Variants in MBNL1 observed in about 807,000 individuals in gnomAD.
MBNL1 encodes the protein muscleblind-like protein 1.
A neutral mutation model predicts 42.2 loss-of-function variants in MBNL1; 8 were observed. That is an observed-to-expected ratio of 0.19 (90% confidence interval 0.11 to 0.34). MBNL1 has a LOEUF of 0.34. MBNL1 is among the 10% of genes least tolerant of loss of function. MBNL1 has a pLI of 1.00. For synonymous variants in MBNL1, 169 were observed against 173.9 expected, an observed-to-expected ratio of 0.97 and a Z score of 0.22; for missense variants, 309 against 495.3, an observed-to-expected ratio of 0.62 and a Z score of 3.57.
rs141369223 is a variant in MBNL1 at position 152,312,653 on chromosome 3, A to G, written c.174+12286A>G. ...GAATAAAGATTGTTATATAGATTCA[A>G]ACTTGGTATGTAATTCAAACTTATT... On this transcript the variant is annotated intron_variant, in intron 2 of 9. Coordinates refer to ENST00000324210, the MANE Select transcript of MBNL1 (RefSeq NM_021038.5). 5.1e-3 allele frequency among the ~76,000 whole-genome samples: 771 copies of G among 152,306 alleles called. 5 individuals carry two copies. The highest frequency in any genetic ancestry group is 0.018 in the African/African-American group (732 of 41,564).
chr3:152,338,582 C>T (rs1398651294), intron 2 of MBNL1: 2 of 985,178 alleles, frequency 2.0e-6, no homozygotes, highest in African/African-American at 3.5e-5. Flanking sequence ...TTCTCCAAGC[C>T]CCTAAGACTC....
chr3:152,268,714 G>T, upstream of MBNL1: 2 of 454,712 alleles, frequency 4.4e-6, no homozygotes, highest in Non-Finnish European at 8.8e-6. Context: ...CGCTCTTGCG[G>T]GCTCTGTCCG....
intron 2 of MBNL1, chr3:152,335,269 A>T (rs1329607812): frequency 3.1e-6 from 4 of 1,289,580 alleles, no homozygotes; most frequent in Non-Finnish European, 4.0e-6. Context: ...GTTTGCTAAG[A>T]TACCATTTGG....
In MBNL1 at chr3:152,372,312, A is replaced by G. The variant is rs527932371; in HGVS notation, c.175-42629A>G. Among the ~76,000 whole-genome samples, 64 of 152,132 alleles carry G rather than the reference A, an allele frequency of 4.2e-4. 1 individual carries two copies. Among genetic ancestry groups the G allele is most frequent in the African/African-American group, 1.5e-3 (61 of 41,500 alleles). On this transcript the variant is annotated intron_variant, in intron 2 of 9. Transcript: ENST00000324210. ...CTACTTCTGTCAATTCGTCAAACTC[A>G]TTTTCCATCCAGTTTTGTTTCCTTG...
Position 152,460,622 on chromosome 3 carries a change from AC to A in MBNL1, c.*18+1278del, listed in dbSNP as rs757162999. 9.9e-4 allele frequency among the ~76,000 whole-genome samples: 150 copies of A among 151,164 alleles called. 2 individuals carry two copies. Among genetic ancestry groups the A allele is most frequent in the Non-Finnish European group, 9.8e-4 (66 of 67,612 alleles). On this transcript the variant is annotated intron_variant, in intron 9 of 9. Coordinates refer to ENST00000324210, the MANE Select transcript of MBNL1 (RefSeq NM_021038.5). Reference sequence around the variant, plus strand: ...TAAAACTTAAAGTATAAAAAAAAAAACAAAAAAAAAAACCACTGTCTTAAAT... The same window carrying A: ...TAAAACTTAAAGTATAAAAAAAAAAAAAAAAAAAAAACCACTGTCTTAAAT...
chr3:152,379,958 C>T (rs78959658), intron 2 of MBNL1, among the ~76,000 whole-genome samples: 10,829 of 152,090 alleles, frequency 0.071, 506 homozygotes, highest in Middle Eastern at 0.16. Context: ...AAAAGTAAAA[C>T]AGAACCTAGA....
intron 2 of MBNL1, among the ~76,000 whole-genome samples, chr3:152,307,092 C>G (rs1260338764): frequency 6.6e-6 from 1 of 152,102 alleles, no homozygotes; most frequent in African/African-American, 2.4e-5. Context: ...CACGTTCAAG[C>G]AATTCTCCTG....
intron 2 of MBNL1, among the ~76,000 whole-genome samples, chr3:152,258,191 A>T (rs2035716349): frequency 6.6e-6 from 1 of 151,780 alleles, no homozygotes; most frequent in Non-Finnish European, 1.5e-5. Flanking sequence ...CTTATTTTTT[A>T]AAAAACATAT....
intron 2 of MBNL1, chr3:152,335,190 A>G: frequency 7.8e-7 from 1 of 1,289,678 alleles, no homozygotes; most frequent in Non-Finnish European, 1.0e-6. Context: ...GCTGTATCTT[A>G]TCTATGGAAG....
intron 2 of MBNL1, chr3:152,340,815 A>C (rs770880559): frequency 2.5e-6 from 4 of 1,613,902 alleles, no homozygotes; most frequent in Non-Finnish European, 3.4e-6. Flanking sequence ...CTACTTTTGC[A>C]TAACCACTGA....
At chr3:152,267,295 T>A (rs545993267), upstream of MBNL1, 1 of 152,712 alleles carries the variant, frequency 6.5e-6, no homozygotes, top group Non-Finnish European at 1.5e-5. Context: ...AAGGCACCAG[T>A]TAAATGTAAA....
At chr3:152,263,655 G>C (rs942381063), upstream of MBNL1, 3 of 152,138 alleles carry the variant, frequency 2.0e-5, no homozygotes, top group African/African-American at 7.2e-5. Flanking sequence ...TCTCTTCTGA[G>C]ATTAGACTAT....
chr3:152,299,492 G>A lies in MBNL1; in HGVS notation c.-702G>A, dbSNP rs1297422135. On this transcript the variant is annotated 5_prime_UTR_variant, in exon 2 of 10. Transcript: ENST00000324210. ...TCTGCTTTTGCCTTGCTTGCTGCCA[G>A]CTAGACTGTGACGACAGCACATCCA... is the stretch of plus-strand genomic sequence containing the variant. 2.3e-5 allele frequency: 9 copies of A among 387,440 alleles called. No individual in the cohort carries two copies. The highest frequency in any genetic ancestry group is 4.1e-5 in the Non-Finnish European group (9 of 219,512). 24.0% of individuals were successfully genotyped at this position (387,440 alleles called of 1,614,324 possible). A position where few individuals can be genotyped will look rare whatever the true frequency, so the allele number is the denominator to read the frequency against.
chr3:152,309,730 A>G (rs1364019388), intron 2 of MBNL1, among the ~76,000 whole-genome samples: 1 of 152,192 alleles, frequency 6.6e-6, no homozygotes, highest in Non-Finnish European at 1.5e-5. Context: ...CTTCTTTTCC[A>G]TATTACTGCA....
At chr3:152,399,597 C>T (rs898294319) in intron 2 of MBNL1, among the ~76,000 whole-genome samples, 1 of 152,156 alleles carries the variant, frequency 6.6e-6, no homozygotes, top group African/African-American at 2.4e-5. Context: ...ACTGCAGCCT[C>T]AACTTCTTGG....
At chr3:152,253,097 C>A (rs1188640906) in intron 2 of MBNL1, among the ~76,000 whole-genome samples, 2 of 152,084 alleles carry the variant, frequency 1.3e-5, no homozygotes, top group African/African-American at 4.8e-5. Flanking sequence ...AACTTTCTAC[C>A]AATTTCTGGG....
At chr3:152,256,026 T>C (rs550571265) in intron 2 of MBNL1, among the ~76,000 whole-genome samples, 11 of 151,802 alleles carry the variant, frequency 7.2e-5, no homozygotes, top group African/African-American at 2.2e-4. Flanking sequence ...AGGAATGGAG[T>C]TGCACATATG....
intron 4 of MBNL1, among the ~76,000 whole-genome samples, chr3:152,434,351 A>G (rs2099050530): frequency 1.3e-5 from 2 of 152,230 alleles, no homozygotes; most frequent in Non-Finnish European, 2.9e-5. Context: ...AATGGCCTCC[A>G]GCTCAATCTG....
chr3:152,441,185 A>C (rs866843309), intron 4 of MBNL1, among the ~76,000 whole-genome samples: 5 of 152,188 alleles, frequency 3.3e-5, no homozygotes, highest in Non-Finnish European at 7.4e-5. Flanking sequence ...CTTTTGAATA[A>C]ATTCAAATAT....
Sources: allele counts gnomAD v4.1 joint callset (sites outside exome capture counted in the v4.1 genomes callset), GRCh38; gene constraint gnomAD v4.1.1; transcripts MANE v1.5; gene names NCBI Gene and HGNC (gene_info 2026-07-23, HGNC 2026-07-21).